Variants in ZNF362 observed in about 807,000 individuals in gnomAD.
ZNF362 encodes zinc finger protein 362.
ZNF362 carries 11 observed loss-of-function variants against 42.9 expected under a neutral mutation model. That is an observed-to-expected ratio of 0.26 (90% CI 0.16 to 0.42). The LOEUF is 0.42. Among genes scored for constraint, ZNF362 ranks in the 20% least tolerant of loss-of-function variants. ZNF362 has a pLI of 1.00. For synonymous variants in ZNF362, 255 were observed against 257.3 expected (o/e 0.99, Z 0.09); for missense variants, 362 against 576.2 (o/e 0.63, Z 3.81).
the ZNF362 span, among the ~76,000 whole-genome samples, chr1:33,203,070 A>G: frequency 4.6e-5 from 7 of 152,262 alleles, no homozygotes; most frequent in East Asian, 1.4e-3. Flanking sequence ...TATGTGTTAC[A>G]TTAGATCTCC....
rs370622987 is a variant in ZNF362 at position 33,295,241 on chromosome 1, C to T, written c.1082C>T (p.Ser361Leu). 3 of 1,614,140 alleles carry T rather than the reference C, an allele frequency of 1.9e-6. No homozygotes were observed. Among genetic ancestry groups the T allele is most frequent in the South Asian group, 1.1e-5 (1 of 91,092 alleles). The change falls in exon 8 of 9, where the codon TCG (serine) becomes TTG (leucine). Residue 361 changes from serine (S) to leucine (L), a missense_variant. Transcript: ENST00000539719. ...TCCGCTTCTTTGCAGATCCACCTCT[C>T]GGCCCACGCCATCAAGCACGCCAAG... ...SDSASLQIHL[S>L]AHAIKHAKAY...
chr1:33,156,766 A>G, the ZNF362 span, among the ~76,000 whole-genome samples: 1 of 152,090 alleles, frequency 6.6e-6, no homozygotes, highest in East Asian at 1.9e-4. Context: ...TGAGATAACT[A>G]ATTGGCATCA....
At chr1:33,285,535 T>G (rs761844772) in intron 6 of ZNF362, among the ~76,000 whole-genome samples, 16 of 152,226 alleles carry the variant, frequency 1.1e-4, no homozygotes, top group Non-Finnish European at 2.4e-4. Context: ...AAAATCTTCT[T>G]AAAGAAATGT....
chr1:33,203,219 T>G, the ZNF362 span, among the ~76,000 whole-genome samples: 6 of 152,312 alleles, frequency 3.9e-5, no homozygotes, highest in African/African-American at 1.4e-4. Flanking sequence ...AGTGAGATCA[T>G]GCAATATTTT....
At chr1:33,161,421 G>A in the ZNF362 span, among the ~76,000 whole-genome samples, 100 of 152,234 alleles carry the variant, frequency 6.6e-4, 1 homozygote, top group African/African-American at 2.3e-3. The surrounding 1 kb of genome is among the most constrained non-coding windows in gnomAD (Gnocchi z 4.3). Flanking sequence ...GGGAGTTCAT[G>A]GAGTCAGAAA....
chr1:33,176,331 A>G, the ZNF362 span: 625,849 of 629,222 alleles, frequency 0.99, 311,326 homozygotes, highest in East Asian at 1. Flanking sequence ...CCAGAGCCGA[A>G]ATTTGAACCT....
At chr1:33,157,109 C>G in the ZNF362 span, among the ~76,000 whole-genome samples, 2 of 152,158 alleles carry the variant, frequency 1.3e-5, no homozygotes, top group South Asian at 4.1e-4. Context: ...CTTCATGGCT[C>G]CAAGCCCTCC....
the ZNF362 span, among the ~76,000 whole-genome samples, chr1:33,150,062 T>G: frequency 6.6e-6 from 1 of 152,230 alleles, no homozygotes; most frequent in African/African-American, 2.4e-5. Context: ...TGTTAAGACC[T>G]CTGTTTACTC....
At chr1:33,270,238 G>A (rs1436950685) in intron 1 of ZNF362, among the ~76,000 whole-genome samples, 2 of 152,158 alleles carry the variant, frequency 1.3e-5, no homozygotes, top group Non-Finnish European at 1.5e-5. Flanking sequence ...AAATATAACT[G>A]CACTGGAGTG....
chr1:33,274,914 C>G (rs1188866399), intron 2 of ZNF362: 7 of 978,556 alleles, frequency 7.2e-6, no homozygotes, highest in Non-Finnish European at 8.5e-6. Flanking sequence ...GATAATTCAT[C>G]TAAAATTTCT....
intron 6 of ZNF362, among the ~76,000 whole-genome samples, chr1:33,282,694 C>T (rs1405150285): frequency 1.3e-5 from 2 of 151,936 alleles, no homozygotes; most frequent in African/African-American, 2.4e-5. Flanking sequence ...TGGTGGTGGG[C>T]GTCTGTAATC....
At chr1:33,134,948 G>C in the ZNF362 span, among the ~76,000 whole-genome samples, 3 of 152,124 alleles carry the variant, frequency 2.0e-5, no homozygotes, top group East Asian at 5.8e-4. Flanking sequence ...GCCTCCAGCT[G>C]TGTTTCACTC....
the ZNF362 span, among the ~76,000 whole-genome samples, chr1:33,153,324 GGCA>G: frequency 6.6e-6 from 1 of 152,238 alleles, no homozygotes; most frequent in African/African-American, 2.4e-5. Flanking sequence ...CTCTGCTCTG[GGCA>G]GGATGTTGGA....
chr1:33,254,038 C>G (rs1570373369), upstream of ZNF362, among the ~76,000 whole-genome samples: 1 of 151,886 alleles, frequency 6.6e-6, no homozygotes, highest in Non-Finnish European at 1.5e-5. Flanking sequence ...TTGGTAGATA[C>G]TTTCCTTGAC....
chr1:33,275,131 C>G, intron 2 of ZNF362: 2 of 985,330 alleles, frequency 2.0e-6, no homozygotes, highest in South Asian at 4.7e-5. Flanking sequence ...GAGAGAGATA[C>G]GAGAAACTTG....
At chr1:33,277,596 C>T (rs935076538) in intron 4 of ZNF362, among the ~76,000 whole-genome samples, 5 of 152,080 alleles carry the variant, frequency 3.3e-5, no homozygotes, top group African/African-American at 1.2e-4. Context: ...GGGAGACCTT[C>T]AGGAGTGTGG....
chr1:33,235,131 G>A, the ZNF362 span, among the ~76,000 whole-genome samples: 1 of 152,042 alleles, frequency 6.6e-6, no homozygotes, highest in East Asian at 1.9e-4. Context: ...GGACACTTGG[G>A]AACTCCTCAC....
the ZNF362 span, among the ~76,000 whole-genome samples, chr1:33,217,532 G>A: frequency 6.6e-6 from 1 of 152,126 alleles, no homozygotes; most frequent in African/African-American, 2.4e-5. Context: ...TGCTGTCCTA[G>A]CAGGGCCACC....
intron 6 of ZNF362, among the ~76,000 whole-genome samples, chr1:33,292,949 T>G (rs560644951): frequency 1.1e-4 from 16 of 152,292 alleles, no homozygotes; most frequent in African/African-American, 3.9e-4. Context: ...GCAGGGGTGC[T>G]CAGAACTGGG....
Sources: gnomAD v4.1 joint callset for allele counts (sites outside exome capture counted in the v4.1 genomes callset) on GRCh38, gnomAD v4.1.1 for gene constraint, Gnocchi (gnomAD v3.1) non-coding constraint, MANE v1.5 for transcripts, NCBI Gene and HGNC (gene_info 2026-07-23, HGNC 2026-07-21) for gene names.